The following MTRR variants were observed in gnomAD, a reference collection of about 807,000 sequenced individuals.
MTRR encodes the protein 5-methyltetrahydrofolate-homocysteine methyltransferase reductase.
A neutral mutation model predicts 79.2 loss-of-function variants in MTRR; 63 were observed. The ratio of observed to expected loss-of-function variants is 0.80; its 90% confidence interval spans 0.65 to 0.98. The LOEUF is 0.98. Ranked by LOEUF, MTRR falls within the 50% of genes least tolerant of loss-of-function variation. The probability of loss-of-function intolerance (pLI) is 0.00; values close to 1 mark genes in which losing one functional copy is unlikely to be tolerated. For synonymous variants in MTRR, 355 were observed against 313.3 expected (o/e 1.13, Z -1.41); for missense variants, 895 against 839.6 (o/e 1.07, Z -0.82).
Position 7,875,559 on chromosome 5 carries a change from C to G in MTRR, c.401+184C>G, listed in dbSNP as rs947105609. On this transcript the variant is annotated intron_variant, in intron 4 of 14. Transcript: ENST00000440940. ...TTGATTTACCTATTTTGCTGATTTT[C>G]TTTTGTGTCCATCTCATCCTTGTCA... Among the ~76,000 whole-genome samples the G allele has an allele frequency of 2.0e-5, 3 of 152,280 alleles. No homozygotes were observed. The East Asian group carries it at 5.8e-4, about 29-fold the overall frequency.
chr5:7,879,511 A>G (rs902699793), intron 5 of MTRR, among the ~76,000 whole-genome samples: 1 of 151,902 alleles, frequency 6.6e-6, no homozygotes, highest in Non-Finnish European at 1.5e-5. Context: ...CTTAATAGAA[A>G]GTGTCATTAA....
At chr5:7,882,300 G>A (rs1043098826) in intron 5 of MTRR, among the ~76,000 whole-genome samples, 2 of 152,216 alleles carry the variant, frequency 1.3e-5, no homozygotes, top group African/African-American at 4.8e-5. Context: ...CTGAAAGGAG[G>A]TGTGGGCAGG....
chr5:7,888,882 TTTTA>T (rs1392166496), intron 8 of MTRR, among the ~76,000 whole-genome samples: 3 of 152,166 alleles, frequency 2.0e-5, no homozygotes, highest in Non-Finnish European at 4.4e-5. Flanking sequence ...ATTTTATTAG[TTTTA>T]TTTATTTATT....
At chr5:7,866,847 C>G (rs865816654), upstream of MTRR, 4 of 1,614,006 alleles carry the variant, frequency 2.5e-6, no homozygotes, top group African/African-American at 1.3e-5. Context: ...CCAAATGGTT[C>G]CATTAAGGCA....
At chr5:7,857,964 T>C (rs931535327) in intron 1 of MTRR, among the ~76,000 whole-genome samples, 2 of 152,228 alleles carry the variant, frequency 1.3e-5, no homozygotes, top group African/African-American at 4.8e-5. Flanking sequence ...GCTCGTGCTG[T>C]ATTTTTCTTC....
At chr5:7,872,140 CTG>C (rs762078940) in intron 2 of MTRR, 27 of 386,422 alleles carry the variant, frequency 7.0e-5, no homozygotes, top group Non-Finnish European at 1.3e-4. Flanking sequence ...TATACAAACT[CTG>C]TATGTAGAGT....
In MTRR at chr5:7,869,211, C is replaced by T. The variant is rs1394809376; in HGVS notation, c.-30C>T. ...GCAGGTTCGTGCCCGGCTGGCGCGG[C>T]GTGGGTAAGCTGCCTGTCGGCTACG... On this transcript the variant is annotated 5_prime_UTR_variant, in exon 1 of 15. Coordinates refer to ENST00000440940, the MANE Select transcript of MTRR (RefSeq NM_002454.3). 5.0e-6 allele frequency: 8 copies of T among 1,606,848 alleles called. No homozygotes were observed. The highest frequency in any genetic ancestry group is 1.3e-5 in the African/African-American group (1 of 74,932).
At chr5:7,859,332 G>T (rs1469685829) in intron 1 of MTRR, 1 of 630,230 alleles carries the variant, frequency 1.6e-6, no homozygotes, top group Non-Finnish European at 2.7e-6. Flanking sequence ...CACCAGTCTA[G>T]AACATATTCT....
chr5:7,880,185 G>A (rs1735349983), intron 5 of MTRR, among the ~76,000 whole-genome samples: 1 of 152,238 alleles, frequency 6.6e-6, no homozygotes, highest in Non-Finnish European at 1.5e-5. Context: ...ACTCCTCGTT[G>A]CTCATTCAGT....
chr5:7,858,408 C>A (rs1746316475), intron 1 of MTRR, among the ~76,000 whole-genome samples: 1 of 149,222 alleles, frequency 6.7e-6, no homozygotes, highest in African/African-American at 2.5e-5. Flanking sequence ...CAGCTGGGTA[C>A]CCGGATACAT....
At chr5:7,867,096 T>C (rs774916287), upstream of MTRR, 8 of 1,614,056 alleles carry the variant, frequency 5.0e-6, no homozygotes, top group Admixed American at 1.7e-5. Flanking sequence ...TCCTCGTTAG[T>C]GAAATGTGGG....
intron 14 of MTRR, among the ~76,000 whole-genome samples, chr5:7,897,802 T>A (rs772463551): frequency 6.6e-6 from 1 of 152,200 alleles, no homozygotes; most frequent in Non-Finnish European, 1.5e-5. Context: ...GCTTATTTGC[T>A]TATTTTGATA....
chr5:7,881,400 G>C (rs1735570005), intron 5 of MTRR, among the ~76,000 whole-genome samples: 1 of 152,020 alleles, frequency 6.6e-6, no homozygotes, highest in African/African-American at 2.4e-5. Context: ...ACAGGCATGT[G>C]CTGTGGGCAG....
chr5:7,873,244 G>T (rs879734959), intron 2 of MTRR, 129 bp from the exon 3 acceptor site: 1 of 1,160,816 alleles, frequency 8.6e-7, no homozygotes, highest in Non-Finnish European at 1.3e-6. Flanking sequence ...TGGACTGGTC[G>T]TCTCAAAAAA....
intron 5 of MTRR, among the ~76,000 whole-genome samples, chr5:7,880,263 G>T (rs537238610): frequency 1.3e-5 from 2 of 152,334 alleles, no homozygotes; most frequent in African/African-American, 4.8e-5. Flanking sequence ...CATTTATTCA[G>T]ACTCTTATAA....
chr5:7,885,559 T>C, intron 6 of MTRR, 142 bp from the exon 7 acceptor site: 1 of 841,108 alleles, frequency 1.2e-6, no homozygotes, highest in South Asian at 1.8e-5. Flanking sequence ...AAAACAATTG[T>C]GTGTTTTTTT....
At chr5:7,867,836 T>G (rs1166553204), upstream of MTRR, 1 of 1,614,198 alleles carries the variant, frequency 6.2e-7, no homozygotes, top group East Asian at 2.2e-5. Context: ...GTCAGATACT[T>G]GAGAGAACAC....
chr5:7,869,018 C>T (rs538159638), upstream of MTRR: 2 of 1,256,476 alleles, frequency 1.6e-6, no homozygotes, highest in East Asian at 2.3e-5. Context: ...GTCGCGGAAG[C>T]GCCTGGGCGT....
chr5:7,867,328 G>A, upstream of MTRR: 1 of 1,613,920 alleles, frequency 6.2e-7, no homozygotes. Context: ...TATCCTCCGG[G>A]GTAAATGTTT....
Sources: allele counts gnomAD v4.1 joint callset (sites outside exome capture counted in the v4.1 genomes callset), GRCh38; gene constraint gnomAD v4.1.1; transcripts MANE v1.5; gene names NCBI Gene and HGNC (gene_info 2026-07-23, HGNC 2026-07-21).